Variants in RBFOX1 observed in about 807,000 individuals in gnomAD.
RBFOX1 encodes RNA binding protein fox-1 homolog 1.
A neutral mutation model predicts 57.7 loss-of-function variants in RBFOX1; 8 were observed. The ratio of observed to expected loss-of-function variants is 0.14; its 90% CI spans 0.08 to 0.25. The LOEUF is 0.25. Ranked by LOEUF, RBFOX1 falls within the 10% of genes least tolerant of loss-of-function variation. RBFOX1 has a pLI of 1.00. For synonymous variants in RBFOX1, 326 were observed against 222.4 expected, an observed-to-expected ratio of 1.47 and a Z score of -4.15; for missense variants, 611 against 548.5, an observed-to-expected ratio of 1.11 and a Z score of -1.14.
rs1399128950 is a variant in RBFOX1 at position 5,504,550 on chromosome 16, G to T, written c.258+37296G>T. Among the ~76,000 whole-genome samples, 3 of 152,192 alleles carry T rather than the reference G, an allele frequency of 2.0e-5. No homozygotes were observed. In the South Asian group the frequency reaches 6.2e-4, roughly 32 times the overall value. ...GATAGGCTCTGCTGACGCCCTCCAC[G>T]CGCCTGGTGGGTTGGATTGTCTGTT... On this transcript the variant is annotated intron_variant, in intron 2 of 2. Transcript: ENST00000585867.
intron 9 of RBFOX1, among the ~76,000 whole-genome samples, chr16:7,602,566 G>A (rs1430855622): frequency 6.6e-6 from 1 of 152,158 alleles, no homozygotes; most frequent in Non-Finnish European, 1.5e-5. Context: ...GACAGTGCAG[G>A]CTCTTATCTC....
chr16:6,491,642 G>A (rs2095635207), intron 2 of RBFOX1, among the ~76,000 whole-genome samples: 2 of 152,104 alleles, frequency 1.3e-5, no homozygotes, highest in South Asian at 2.1e-4. Flanking sequence ...ATTCCCAGAT[G>A]TGCATTATTG....
intron 3 of RBFOX1, among the ~76,000 whole-genome samples, chr16:6,886,619 G>A (rs1231027418): frequency 6.6e-6 from 1 of 151,900 alleles, no homozygotes; most frequent in South Asian, 2.1e-4. Context: ...GCTGGGCGTG[G>A]TGGTGCTCAC....
rs550886939 is a variant in RBFOX1 at position 6,210,625 on chromosome 16, G to A, written c.-126-106370G>A. ...TGGTCCCAACTACTTGGTAGGCTGA[G>A]CTGGGAGGATCACTTGAACCCTGGA... is the stretch of plus-strand genomic sequence containing the variant. On this transcript the variant is annotated intron_variant, in intron 1 of 15. Transcript: ENST00000550418. Among the ~76,000 whole-genome samples, 9 of 152,170 alleles carry A rather than the reference G, an allele frequency of 5.9e-5. No individual in the cohort carries two copies. In the East Asian group the frequency reaches 1.6e-3, roughly 26 times the overall value.
intron 1 of RBFOX1, among the ~76,000 whole-genome samples, chr16:6,157,462 T>G (rs983329270): frequency 6.6e-6 from 1 of 152,214 alleles, no homozygotes; most frequent in Non-Finnish European, 1.5e-5. Context: ...TTATCTGAAG[T>G]GCAAATTTAG....
intron 1 of RBFOX1, among the ~76,000 whole-genome samples, chr16:5,429,880 AC>A (rs773259446): frequency 2.6e-5 from 4 of 152,048 alleles, no homozygotes; most frequent in Non-Finnish European, 4.4e-5. Context: ...AGTCCCAAAT[AC>A]CTGCCCTCCT....
intron 2 of RBFOX1, among the ~76,000 whole-genome samples, chr16:5,516,152 A>C (rs1055610529): frequency 4.6e-5 from 7 of 152,238 alleles, no homozygotes; most frequent in African/African-American, 1.7e-4. Flanking sequence ...GTCCTGAGAC[A>C]AAGATGCCAC....
At chr16:6,613,261 G>C (rs549941016) in intron 2 of RBFOX1, among the ~76,000 whole-genome samples, 1 of 152,130 alleles carries the variant, frequency 6.6e-6, no homozygotes, top group South Asian at 2.1e-4. Context: ...TGTCATCTTT[G>C]CTAAAGGATT....
intron 4 of RBFOX1, among the ~76,000 whole-genome samples, chr16:7,378,622 CT>C (rs961553114): frequency 2.0e-5 from 3 of 151,970 alleles, no homozygotes; most frequent in African/African-American, 7.3e-5. Context: ...GTTTTTCTTC[CT>C]TTTTTTTGAA....
intron 4 of RBFOX1, among the ~76,000 whole-genome samples, chr16:7,133,056 C>G (rs1531560): frequency 2.6e-5 from 4 of 152,116 alleles, no homozygotes; most frequent in Non-Finnish European, 5.9e-5. Context: ...TATTTTCTTG[C>G]GTTTCAGAAG....
At chr16:7,159,286 AG>A (rs138567121) in intron 4 of RBFOX1, among the ~76,000 whole-genome samples, 22,725 of 152,020 alleles carry the variant, frequency 0.15, 1,943 homozygotes, top group East Asian at 0.32. Flanking sequence ...GCTGAGCAGG[AG>A]AGGGTGCCAT....
intron 1 of RBFOX1, among the ~76,000 whole-genome samples, chr16:5,363,566 G>A (rs1253996581): frequency 6.6e-6 from 1 of 152,138 alleles, no homozygotes; most frequent in Non-Finnish European, 1.5e-5. Context: ...CCCTGATTGG[G>A]GAAGTCCTCA....
At chr16:5,665,537 T>G (rs532912501) in intron 3 of RBFOX1, among the ~76,000 whole-genome samples, 4 of 152,242 alleles carry the variant, frequency 2.6e-5, no homozygotes, top group Non-Finnish European at 4.4e-5. Flanking sequence ...ATTGTATGTT[T>G]GCTGTTTCCC....
intron 4 of RBFOX1, among the ~76,000 whole-genome samples, chr16:7,125,030 G>C (rs1468528186): frequency 6.6e-6 from 1 of 152,124 alleles, no homozygotes; most frequent in African/African-American, 2.4e-5. Context: ...GAGGGGGCCG[G>C]CTTATTAAGA....
intron 2 of RBFOX1, among the ~76,000 whole-genome samples, chr16:6,402,526 T>A (rs1372034911): frequency 2.0e-5 from 3 of 152,206 alleles, no homozygotes; most frequent in Non-Finnish European, 2.9e-5. Flanking sequence ...TTTCTCCAAA[T>A]GGTACCCAAA....
chr16:6,074,147 A>T (rs1422752286), intron 1 of RBFOX1, among the ~76,000 whole-genome samples: 3 of 151,964 alleles, frequency 2.0e-5, no homozygotes, highest in African/African-American at 7.3e-5. Flanking sequence ...ACAGGATTTC[A>T]CCATGTTAGC....
At chr16:6,946,528 T>C (rs182455162) in intron 3 of RBFOX1, among the ~76,000 whole-genome samples, 50 of 152,292 alleles carry the variant, frequency 3.3e-4, no homozygotes, top group Admixed American at 2.9e-3. Context: ...CCCTACTGTG[T>C]TTTCTAAGAA....
At chr16:5,277,462 T>G (rs1014947421) in intron 1 of RBFOX1, among the ~76,000 whole-genome samples, 2 of 70,206 alleles carry the variant, frequency 2.8e-5, no homozygotes, top group African/African-American at 1.4e-4. Flanking sequence ...AAAAAAGAAA[T>G]ATACAATAAA....
At chr16:5,753,797 A>G (rs1441035080) in intron 3 of RBFOX1, among the ~76,000 whole-genome samples, 1 of 151,462 alleles carries the variant, frequency 6.6e-6, no homozygotes, top group Non-Finnish European at 1.5e-5. Context: ...ATTCCATCTC[A>G]TTTCATCCTC....
Sources: allele counts gnomAD v4.1 joint callset (sites outside exome capture counted in the v4.1 genomes callset), GRCh38; gene constraint gnomAD v4.1.1; transcripts MANE v1.5; gene names NCBI Gene and HGNC (gene_info 2026-07-23, HGNC 2026-07-21).